The following CTXND2 variants were observed in gnomAD, a reference collection of about 807,000 sequenced individuals.
CTXND2 encodes the protein cortexin domain containing 2.
intron 1 of CTXND2, among the ~76,000 whole-genome samples, chr1:150,895,404 C>T (rs1228692558): frequency 2.6e-5 from 4 of 151,884 alleles, no homozygotes; most frequent in Admixed American, 1.3e-4. Flanking sequence ...AGTGCAGAGA[C>T]GCGATCTCAG....
intron 1 of CTXND2, among the ~76,000 whole-genome samples, chr1:150,897,458 G>A (rs1401914090): frequency 4.6e-5 from 7 of 152,200 alleles, no homozygotes; most frequent in South Asian, 2.1e-4. Context: ...CCAAGTAGCT[G>A]GGTCTTTAGG....
chr1:150,892,493 A>ATTCTTTTTC (rs2102594165), intron 1 of CTXND2, among the ~76,000 whole-genome samples: 1 of 140,188 alleles, frequency 7.1e-6, no homozygotes, highest in Non-Finnish European at 1.6e-5. Flanking sequence ...TCTCTACCCT[A>ATTCTTTTTC]TTCTTTTTCT....
chr1:150,895,461 A>G (rs772229146), intron 1 of CTXND2, among the ~76,000 whole-genome samples: 3 of 151,876 alleles, frequency 2.0e-5, no homozygotes, highest in Non-Finnish European at 4.4e-5. Flanking sequence ...TTCCTACCTC[A>G]GCATCCCAAT....
At chr1:150,899,310 C>G (rs1425034974) in intron 1 of CTXND2, among the ~76,000 whole-genome samples, 1 of 151,770 alleles carries the variant, frequency 6.6e-6, no homozygotes, top group African/African-American at 2.4e-5. Flanking sequence ...CATATTATGC[C>G]TATAGTCCTA....
In CTXND2 at chr1:150,908,114, C is replaced by T. The variant is rs587626527; in HGVS notation, c.-73-4128C>T. Among the ~76,000 whole-genome samples the T allele has an allele frequency of 3.3e-5, 5 of 151,906 alleles. No homozygotes were observed. In the South Asian group the frequency reaches 6.2e-4, roughly 19 times the overall value. On this transcript the variant is annotated intron_variant, in intron 1 of 1. Transcript: ENST00000636087. ...GCCTCCCAGGCTCAGGTGATCCTCC[C>T]GCCTCTGCCCCCCAAGTAGCTGGGA...
intron 1 of CTXND2, among the ~76,000 whole-genome samples, chr1:150,898,104 C>G (rs936005317): frequency 2.0e-5 from 3 of 151,596 alleles, no homozygotes; most frequent in Admixed American, 2.0e-4. Flanking sequence ...TAGCCTCAAA[C>G]TCCTGGGCTC....
chr1:150,897,195 G>C (rs1668923957), intron 1 of CTXND2, among the ~76,000 whole-genome samples: 1 of 152,190 alleles, frequency 6.6e-6, no homozygotes, highest in Non-Finnish European at 1.5e-5. Flanking sequence ...ATTTATTAAA[G>C]ATCACTTTGT....
At chr1:150,895,366 C>T (rs978993269) in intron 1 of CTXND2, among the ~76,000 whole-genome samples, 3 of 150,930 alleles carry the variant, frequency 2.0e-5, no homozygotes, top group Non-Finnish European at 2.9e-5. Context: ...TTTTGTGTGA[C>T]GAAGTCTCTT....
chr1:150,894,554 G>A (rs1456146114), intron 1 of CTXND2, among the ~76,000 whole-genome samples: 1 of 152,098 alleles, frequency 6.6e-6, no homozygotes, highest in African/African-American at 2.4e-5. Context: ...TTTATTAGAT[G>A]CATATAATGT....
chr1:150,907,867 G>A (rs587727807), intron 1 of CTXND2, among the ~76,000 whole-genome samples: 1 of 152,020 alleles, frequency 6.6e-6, no homozygotes, highest in South Asian at 2.1e-4. Flanking sequence ...CTGCCACCAC[G>A]CCCGGCTAAT....
intron 1 of CTXND2, among the ~76,000 whole-genome samples, chr1:150,888,446 C>A (rs954703682): frequency 6.6e-6 from 1 of 151,690 alleles, no homozygotes; most frequent in Non-Finnish European, 1.5e-5. Flanking sequence ...GAACTCCTGA[C>A]CGAAGGTGAT....
In CTXND2 at chr1:150,911,217, G is replaced by C. The variant is rs587632924; in HGVS notation, c.-73-1025G>C. 9.8e-4 allele frequency among the ~76,000 whole-genome samples: 149 copies of C among 152,076 alleles called. 1 individual carries two copies. Among genetic ancestry groups the C allele is most frequent in the Non-Finnish European group, 1.4e-3 (94 of 67,976 alleles). On this transcript the variant is annotated intron_variant, in intron 1 of 1. Coordinates refer to ENST00000636087, the Ensembl canonical transcript of CTXND2. ...CCTGCCTCGGCCTCCCAAAGTGCTG[G>C]GATTACAGGCGTGAGCCACCGTGCC...
chr1:150,892,653 C>T (rs900651218), intron 1 of CTXND2, among the ~76,000 whole-genome samples: 23 of 151,836 alleles, frequency 1.5e-4, no homozygotes, highest in African/African-American at 4.4e-4. Flanking sequence ...ATCCTCCCAC[C>T]GCAGCCTCCC....
At chr1:150,901,155 T>C (rs1166860106) in intron 1 of CTXND2, among the ~76,000 whole-genome samples, 1 of 151,968 alleles carries the variant, frequency 6.6e-6, no homozygotes, top group Non-Finnish European at 1.5e-5. Context: ...CCACTTAAGA[T>C]AACAAAAGAA....
At chr1:150,893,123 C>T (rs924766319) in intron 1 of CTXND2, among the ~76,000 whole-genome samples, 2 of 152,058 alleles carry the variant, frequency 1.3e-5, no homozygotes, top group Admixed American at 6.6e-5. Context: ...ATTTTTAATG[C>T]CATTGTAAAT....
intron 1 of CTXND2, among the ~76,000 whole-genome samples, chr1:150,891,672 A>G (rs948430336): frequency 7.9e-5 from 12 of 152,208 alleles, no homozygotes; most frequent in African/African-American, 2.9e-4. Context: ...TCTATTCAGT[A>G]AAATATATCT....
chr1:150,901,787 G>A (rs1053301126), intron 1 of CTXND2, among the ~76,000 whole-genome samples: 19 of 151,730 alleles, frequency 1.3e-4, no homozygotes, highest in Admixed American at 6.6e-5. Flanking sequence ...GCATGGTGGC[G>A]GGCACCTGTA....
At chr1:150,911,409 G>T (rs989596041) in intron 1 of CTXND2, among the ~76,000 whole-genome samples, 14 of 148,998 alleles carry the variant, frequency 9.4e-5, no homozygotes, top group Non-Finnish European at 1.3e-4. Flanking sequence ...AAGGTTTTGG[G>T]TTTTTTTTTC....
intron 1 of CTXND2, among the ~76,000 whole-genome samples, chr1:150,901,473 C>T (rs370472855): frequency 6.6e-6 from 1 of 152,128 alleles, no homozygotes; most frequent in East Asian, 1.9e-4. Flanking sequence ...GTGGGGTGCT[C>T]ACATGTTATG....
Sources: allele counts gnomAD v4.1 joint callset (sites outside exome capture counted in the v4.1 genomes callset), GRCh38; gene constraint gnomAD v4.1.1; transcripts MANE v1.5; gene names NCBI Gene and HGNC (gene_info 2026-07-23, HGNC 2026-07-21).